FMN2: variants seen among roughly 807,000 people sequenced by gnomAD.
The protein encoded by FMN2 is formin-2.
Under a neutral mutation model 142.3 loss-of-function variants are expected in FMN2, and 51 were observed. That is an observed-to-expected ratio of 0.36 (90% confidence interval 0.29 to 0.45). FMN2 has a LOEUF of 0.45. FMN2 is among the 20% of genes least tolerant of loss of function. The pLI is 1.00. For missense variants in FMN2, 1,936 were observed against 2,122.8 expected, an observed-to-expected ratio of 0.91 and a Z score of 1.73; for synonymous variants, 882 against 869.8, an observed-to-expected ratio of 1.01 and a Z score of -0.25.
At chr1:240,118,961 T>G (rs1390042880) in intron 1 of FMN2, among the ~76,000 whole-genome samples, 1 of 152,056 alleles carries the variant, frequency 6.6e-6, no homozygotes, top group Non-Finnish European at 1.5e-5. Flanking sequence ...GGAGAATAAA[T>G]CATCTGGAAG....
At chr1:240,309,882 A>T (rs1376044597) in intron 8 of FMN2, among the ~76,000 whole-genome samples, 2 of 152,188 alleles carry the variant, frequency 1.3e-5, no homozygotes, top group Non-Finnish European at 2.9e-5. Context: ...CTGGCATGAC[A>T]GTCACGTGTG....
chr1:240,425,274 A>G (rs964280921), intron 15 of FMN2, among the ~76,000 whole-genome samples: 1 of 151,380 alleles, frequency 6.6e-6, no homozygotes, highest in Non-Finnish European at 1.5e-5. Context: ...CAGGCAGATG[A>G]AAAACAAGTA....
intron 1 of FMN2, among the ~76,000 whole-genome samples, chr1:240,117,328 G>C (rs543956335): frequency 6.6e-6 from 1 of 152,202 alleles, no homozygotes; most frequent in South Asian, 2.1e-4. Flanking sequence ...AGAACCCACA[G>C]CAGTGTTGGC....
Position 240,206,983 on chromosome 1 carries a change from A to T in FMN2, c.2171A>T (p.Glu724Val). Residue 724 changes from glutamate (E) to valine (V), a missense_variant, in exon 5 of 18, where the codon GAA (glutamate) becomes GTA (valine). Transcript: ENST00000319653. ...ACAGCCTCAGGCGATGTCTGTCTCGAAGCTCTCAGGTTAGAAGAAAAGGAA... is the reference window on the plus strand; with the variant it reads ...ACAGCCTCAGGCGATGTCTGTCTCGTAGCTCTCAGGTTAGAAGAAAAGGAA... ...GVTASGDVCL[E>V]ALRLEEKEVR... The T allele has an allele frequency of 6.2e-7, 1 of 1,614,146 alleles. No homozygotes were observed. The highest frequency in any genetic ancestry group is 8.5e-7 in the Non-Finnish European group (1 of 1,180,014).
At chr1:240,362,446 G>C (rs561809608) in intron 14 of FMN2, among the ~76,000 whole-genome samples, 2 of 152,082 alleles carry the variant, frequency 1.3e-5, no homozygotes, top group African/African-American at 2.4e-5. Context: ...AGAAAGATGA[G>C]ATAAATGTGA....
chr1:240,436,218 T>TTC (rs2103174792), intron 15 of FMN2, among the ~76,000 whole-genome samples: 1 of 152,198 alleles, frequency 6.6e-6, no homozygotes, highest in Admixed American at 6.6e-5. Flanking sequence ...GCCTGACTCT[T>TTC]TCTCAGGTTT....
At chr1:240,404,932 A>G (rs920081635) in intron 15 of FMN2, among the ~76,000 whole-genome samples, 1 of 152,310 alleles carries the variant, frequency 6.6e-6, no homozygotes, top group South Asian at 2.1e-4. Context: ...GTTGATAATT[A>G]TAAGAGAAAC....
intron 2 of FMN2, among the ~76,000 whole-genome samples, chr1:240,164,174 C>T (rs1209512373): frequency 6.6e-6 from 1 of 152,358 alleles, no homozygotes; most frequent in East Asian, 1.9e-4. Flanking sequence ...GCTGAGATTA[C>T]AGACCTGAGC....
chr1:240,346,250 T>A (rs1369203419), intron 13 of FMN2, among the ~76,000 whole-genome samples: 2 of 152,048 alleles, frequency 1.3e-5, no homozygotes, highest in African/African-American at 4.8e-5. Context: ...ACTTAATTTA[T>A]AAATTAGGTT....
chr1:240,232,344 C>T lies in FMN2; in HGVS notation c.4065+21109C>T, dbSNP rs1459869759. Among the ~76,000 whole-genome samples, 4 of 151,820 alleles carry T rather than the reference C, an allele frequency of 2.6e-5. No homozygotes were observed. The East Asian group carries it at 7.7e-4, about 29-fold the overall frequency. On this transcript the variant is annotated intron_variant, in intron 6 of 17. Transcript: ENST00000319653. ...TGACCTCGTGATCCACCCACATTGG[C>T]CTCCCAAAGTGCTGGCATTACAGGC...
chr1:240,144,751 C>T, intron 2 of FMN2: 1 of 1,300,090 alleles, frequency 7.7e-7, no homozygotes, highest in South Asian at 1.2e-5. Context: ...GCTCAATTTC[C>T]ATAAGGTCAC....
rs536223261 is a variant in FMN2 at position 240,352,880 on chromosome 1, A to C, written c.4766-2936A>C. 1.5e-4 allele frequency among the ~76,000 whole-genome samples: 23 copies of C among 152,320 alleles called. No individual in the cohort carries two copies. The South Asian group carries it at 3.5e-3, about 23-fold the overall frequency. On this transcript the variant is annotated intron_variant, in intron 13 of 17. Transcript: ENST00000319653. ...ACAGCCCACAGGAAGTTGACTACGG[A>C]TGTCTTGTCATCTGACCCATCCCTT... is the stretch of plus-strand genomic sequence containing the variant.
At chr1:240,395,879 T>C (rs570932239) in intron 15 of FMN2, among the ~76,000 whole-genome samples, 1 of 152,288 alleles carries the variant, frequency 6.6e-6, no homozygotes, top group South Asian at 2.1e-4. Flanking sequence ...TTTGAGAGGA[T>C]TTACTCCAAT....
intron 6 of FMN2, among the ~76,000 whole-genome samples, chr1:240,232,258 T>C (rs1667552340): frequency 1.2e-5 from 1 of 81,548 alleles, no homozygotes; most frequent in South Asian, 5.3e-4. Flanking sequence ...TCTTTTTTTT[T>C]TTTTTTTTTT....
chr1:240,103,886 AT>A (rs201997119), intron 1 of FMN2, among the ~76,000 whole-genome samples: 13 of 150,576 alleles, frequency 8.6e-5, no homozygotes, highest in Admixed American at 4.0e-4. Context: ...CATTATTATT[AT>A]TTTTTTTTGT....
In FMN2 at chr1:240,105,561, C is replaced by G. The variant is rs140698546; in HGVS notation, c.1615+11837C>G. On this transcript the variant is annotated intron_variant, in intron 1 of 17. Coordinates refer to ENST00000319653, the MANE Select transcript of FMN2 (RefSeq NM_020066.5). ...TTTTATCTGAGAATGTGAAAGATCT[C>G]TTCATTTATTCAGATCATCTTTTAT... Among the ~76,000 whole-genome samples, 664 of 152,202 alleles carry G rather than the reference C, an allele frequency of 4.4e-3. 6 individuals are homozygous for G. Among genetic ancestry groups the G allele is most frequent in the Non-Finnish European group, 4.6e-3 (312 of 68,004 alleles).
At chr1:240,322,478 CAG>C (rs763821426) in intron 8 of FMN2, among the ~76,000 whole-genome samples, 1 of 152,162 alleles carries the variant, frequency 6.6e-6, no homozygotes, top group Non-Finnish European at 1.5e-5. Context: ...TTTGCTACGA[CAG>C]AGAGAGGATT....
intron 14 of FMN2, among the ~76,000 whole-genome samples, chr1:240,357,342 G>A (rs1672304419): frequency 6.6e-6 from 1 of 152,132 alleles, no homozygotes; most frequent in Non-Finnish European, 1.5e-5. Flanking sequence ...TTTTGAATCT[G>A]CAATTTATAG....
At position 240,095,008 on chromosome 1, in the gene FMN2, C is replaced by T. The variant is rs183771547; in HGVS notation, c.1615+1284C>T. Among the ~76,000 whole-genome samples, 51 of 152,064 alleles carry T rather than the reference C, an allele frequency of 3.4e-4. No individual in the cohort carries two copies. In the East Asian group the frequency reaches 6.4e-3, roughly 19 times the overall value. ...CATTTCACATACTCTTATTTTTCTT[C>T]TTTTCCACCTTCTCTTTATTGTGTA... is the stretch of plus-strand genomic sequence containing the variant. On this transcript the variant is annotated intron_variant, in intron 1 of 17. Coordinates refer to ENST00000319653, the MANE Select transcript of FMN2 (RefSeq NM_020066.5).
Sources: allele counts gnomAD v4.1 joint callset (sites outside exome capture counted in the v4.1 genomes callset), GRCh38; gene constraint gnomAD v4.1.1; transcripts MANE v1.5; gene names NCBI Gene and HGNC (gene_info 2026-07-23, HGNC 2026-07-21).